The following LRP1B variants were observed in gnomAD, a reference collection of about 807,000 sequenced individuals.
The protein encoded by LRP1B is low-density lipoprotein receptor-related protein 1B.
In LRP1B, 217 loss-of-function variants were observed where a neutral mutation model predicts 556.6. The observed-to-expected ratio is 0.39, with a 90% CI of 0.35 to 0.44. LRP1B has a LOEUF of 0.44. LRP1B is among the 20% of genes least tolerant of loss of function. The pLI is 1.00. For synonymous variants in LRP1B, 2,047 were observed against 1,865.8 expected, an observed-to-expected ratio of 1.10 and a Z score of -2.50; for missense variants, 5,053 against 5,620.8, an observed-to-expected ratio of 0.90 and a Z score of 3.23.
At chr2:141,632,594 C>T (rs527835974) in intron 2 of LRP1B, among the ~76,000 whole-genome samples, 14 of 152,284 alleles carry the variant, frequency 9.2e-5, no homozygotes, top group African/African-American at 3.4e-4. Context: ...TTAAAACACA[C>T]ACTTTCTAAC....
intron 2 of LRP1B, among the ~76,000 whole-genome samples, chr2:141,711,696 A>G (rs1253742695): frequency 6.6e-6 from 1 of 152,182 alleles, no homozygotes; most frequent in Non-Finnish European, 1.5e-5. Flanking sequence ...AGTTACATTC[A>G]CAGGCTCCCT....
At chr2:141,167,799 CTT>C (rs752044569) in intron 7 of LRP1B, among the ~76,000 whole-genome samples, 5 of 151,804 alleles carry the variant, frequency 3.3e-5, no homozygotes, top group Non-Finnish European at 2.9e-5. Flanking sequence ...ATTCATTTGA[CTT>C]TTTACAGTGA....
intron 7 of LRP1B, among the ~76,000 whole-genome samples, chr2:141,105,234 T>C (rs1053508870): frequency 5.3e-5 from 8 of 152,146 alleles, no homozygotes; most frequent in Non-Finnish European, 8.8e-5. Flanking sequence ...ACAGACCTCT[T>C]CAAATTATAT....
chr2:141,948,067 G>A (rs868709636), intron 1 of LRP1B, among the ~76,000 whole-genome samples: 3 of 152,048 alleles, frequency 2.0e-5, no homozygotes, highest in Admixed American at 6.6e-5. Flanking sequence ...TGAGGCCGCC[G>A]TGGGCAGATT....
intron 7 of LRP1B, among the ~76,000 whole-genome samples, chr2:141,176,968 T>C (rs113488713): frequency 0.016 from 2,416 of 152,230 alleles, 24 homozygotes; most frequent in Middle Eastern, 0.041. Context: ...CTCCTTCTGC[T>C]TTTTCCAAAA....
chr2:141,349,702 G>A (rs1688378252), intron 3 of LRP1B, among the ~76,000 whole-genome samples: 1 of 152,040 alleles, frequency 6.6e-6, no homozygotes, highest in South Asian at 2.1e-4. Context: ...ATTTCTCTAA[G>A]TATAAATTAT....
At position 140,659,098 on chromosome 2, in the gene LRP1B, G is replaced by GTTT. The variant is rs59651364; in HGVS notation, c.6799+41149_6799+41151dup. Among the ~76,000 whole-genome samples, 184 of 61,132 alleles carry GTTT rather than the reference G, an allele frequency of 3.0e-3. 43 individuals carry two copies. Among genetic ancestry groups the GTTT allele is most frequent in the African/African-American group, 7.6e-3 (120 of 15,810 alleles). 40.1% of individuals were successfully genotyped at this position (61,132 alleles called of 152,430 possible). On this transcript the variant is annotated intron_variant, in intron 41 of 90. Coordinates refer to ENST00000389484, the MANE Select transcript of LRP1B (RefSeq NM_018557.3). ...TGGGTTGTCCCTAAACTGTAAATCT[G>GTTT]TTTTTTTTTTTTTTTTTTTTTTTTT...
chr2:141,930,463 G>A (rs138629489), intron 1 of LRP1B, among the ~76,000 whole-genome samples: 1 of 151,950 alleles, frequency 6.6e-6, no homozygotes, highest in Non-Finnish European at 1.5e-5. Flanking sequence ...GACTTCAAAG[G>A]TACATCACTT....
In LRP1B at chr2:141,117,832, A is replaced by G. The variant is rs1030636141; in HGVS notation, c.1014-55559T>C. 5.9e-5 allele frequency among the ~76,000 whole-genome samples: 9 copies of G among 151,986 alleles called. No individual in the cohort carries two copies. The East Asian group carries it at 1.7e-3, about 29-fold the overall frequency. On this transcript the variant is annotated intron_variant, in intron 7 of 90. Coordinates refer to ENST00000389484, the MANE Select transcript of LRP1B (RefSeq NM_018557.3). ...CCTGGCATGAGTATGCTCTTAAGAT[A>G]TATTATTTGTTTCTAAGTCTGTTAA...
At chr2:141,298,027 T>C (rs1416695534) in intron 3 of LRP1B, among the ~76,000 whole-genome samples, 1 of 152,210 alleles carries the variant, frequency 6.6e-6, no homozygotes, top group Non-Finnish European at 1.5e-5. Context: ...TGTGTCTTCA[T>C]CACTAAACAA....
At chr2:142,077,054 T>A (rs548241092) in intron 1 of LRP1B, among the ~76,000 whole-genome samples, 4 of 152,114 alleles carry the variant, frequency 2.6e-5, no homozygotes, top group Non-Finnish European at 4.4e-5. Flanking sequence ...AATATATGAA[T>A]GGCATCATTT....
intron 41 of LRP1B, among the ~76,000 whole-genome samples, chr2:140,656,135 GC>G (rs1001797333): frequency 6.6e-6 from 1 of 151,892 alleles, no homozygotes; most frequent in African/African-American, 2.4e-5. Flanking sequence ...TTTTTGTTTT[GC>G]CCACTTCTCA....
At chr2:140,554,181 C>A (rs1324020720) in intron 43 of LRP1B, among the ~76,000 whole-genome samples, 2 of 152,050 alleles carry the variant, frequency 1.3e-5, no homozygotes, top group African/African-American at 2.4e-5. Context: ...CCTCTGCTCC[C>A]TTTCTAAGGA....
At position 140,234,831 on chromosome 2, in the gene LRP1B, C is replaced by T. The variant is rs758111549; in HGVS notation, c.13614G>A (p.Pro4538=). 18 of 775,556 alleles carry T rather than the reference C, an allele frequency of 2.3e-5. No homozygotes were observed. The highest frequency in any genetic ancestry group is 5.1e-5 in the African/African-American group (3 of 58,634). 48.0% of individuals were successfully genotyped at this position (775,556 alleles called of 1,614,324 possible). The part of the protein sequence containing the change: ...PSAFKLPHTA[P]PIYLNSDLKG... ...TCAAATCAGAGTTTAGGTAGATGGGCGGCGCTGTGTGTGGAAGCTTGAAAG... is the reference window on the plus strand; with the variant it reads ...TCAAATCAGAGTTTAGGTAGATGGGTGGCGCTGTGTGTGGAAGCTTGAAAG... Residue 4538 remains proline (P), a synonymous_variant, in exon 90 of 91, where the codon CCG becomes CCA. Transcript: ENST00000389484.
intron 1 of LRP1B, among the ~76,000 whole-genome samples, chr2:141,972,751 T>C (rs1434862932): frequency 6.6e-6 from 1 of 151,692 alleles, no homozygotes. Context: ...AATAGGAAAT[T>C]GAATCCTAGT....
chr2:140,987,092 A>G (rs775844475), intron 17 of LRP1B, among the ~76,000 whole-genome samples: 1 of 152,158 alleles, frequency 6.6e-6, no homozygotes, highest in Non-Finnish European at 1.5e-5. Context: ...TGACCTATTT[A>G]TATATTTTGA....
At chr2:140,250,099 A>AT in intron 86 of LRP1B, among the ~76,000 whole-genome samples, 1 of 151,820 alleles carries the variant, frequency 6.6e-6, no homozygotes, top group South Asian at 2.1e-4. Context: ...TCCGGGGACA[A>AT]TTATCTTCAA....
At chr2:140,790,985 G>A (rs1044496167) in intron 32 of LRP1B, among the ~76,000 whole-genome samples, 2 of 150,670 alleles carry the variant, frequency 1.3e-5, no homozygotes, top group African/African-American at 4.9e-5. Context: ...GTCAGGCATG[G>A]TGGCTCATGC....
At chr2:141,791,402 G>T (rs2105662572) in intron 2 of LRP1B, among the ~76,000 whole-genome samples, 1 of 151,984 alleles carries the variant, frequency 6.6e-6, no homozygotes, top group South Asian at 2.1e-4. Context: ...ACCTGGGAAT[G>T]TATTTCAAAA....
Sources: gnomAD v4.1 joint callset for allele counts (sites outside exome capture counted in the v4.1 genomes callset) on GRCh38, gnomAD v4.1.1 for gene constraint, MANE v1.5 for transcripts, NCBI Gene and HGNC (gene_info 2026-07-23, HGNC 2026-07-21) for gene names.